ARB2A: variants seen among roughly 807,000 people sequenced by gnomAD.
ARB2A encodes ARB2 cotranscriptional regulator A.
chr5:93,717,440 CTTTTTT>C, the ARB2A span, among the ~76,000 whole-genome samples: 11 of 107,398 alleles, frequency 1.0e-4, no homozygotes, highest in African/African-American at 3.6e-4. Context: ...ACCACAGTTG[CTTTTTT>C]TTTTTTTTTT....
chr5:93,784,363 T>A, the ARB2A span: 1 of 1,579,366 alleles, frequency 6.3e-7, no homozygotes, highest in Non-Finnish European at 8.7e-7. Context: ...ATCTCAGCAC[T>A]AAAAAAAACC....
At chr5:93,932,657 T>A in the ARB2A span, among the ~76,000 whole-genome samples, 1 of 152,218 alleles carries the variant, frequency 6.6e-6, no homozygotes, top group Non-Finnish European at 1.5e-5. Context: ...CCCACTTACA[T>A]AATTGGAACT....
At chr5:94,029,508 T>C in the ARB2A span, among the ~76,000 whole-genome samples, 3 of 152,196 alleles carry the variant, frequency 2.0e-5, no homozygotes, top group South Asian at 2.1e-4. Context: ...AATTGGAAAA[T>C]GTACCTAAAG....
chr5:93,945,474 C>T, the ARB2A span, among the ~76,000 whole-genome samples: 2 of 150,338 alleles, frequency 1.3e-5, no homozygotes, highest in Non-Finnish European at 3.0e-5. Flanking sequence ...GACATTAAAG[C>T]GTAGAAGAGA....
At chr5:93,650,440 T>C in the ARB2A span, among the ~76,000 whole-genome samples, 1 of 151,748 alleles carries the variant, frequency 6.6e-6, no homozygotes, top group Non-Finnish European at 1.5e-5. Context: ...ACTTGAAAAA[T>C]GATCAATGGG....
At chr5:93,821,965 C>T in the ARB2A span, among the ~76,000 whole-genome samples, 6 of 151,460 alleles carry the variant, frequency 4.0e-5, no homozygotes, top group Admixed American at 2.0e-4. Flanking sequence ...ACCTAAACAA[C>T]GTATATTACA....
At chr5:93,664,326 C>T in the ARB2A span, among the ~76,000 whole-genome samples, 1 of 152,136 alleles carries the variant, frequency 6.6e-6, no homozygotes, top group Non-Finnish European at 1.5e-5. Flanking sequence ...AGCAATCCTC[C>T]TGCCTTGGCC....
At chr5:93,935,553 G>T in the ARB2A span, among the ~76,000 whole-genome samples, 1 of 152,176 alleles carries the variant, frequency 6.6e-6, no homozygotes, top group Non-Finnish European at 1.5e-5. Context: ...TGATGGTGAT[G>T]TATGAGGTTG....
chr5:94,024,520 A>G, the ARB2A span, among the ~76,000 whole-genome samples: 1 of 152,108 alleles, frequency 6.6e-6, no homozygotes, highest in Admixed American at 6.6e-5. Context: ...GGAGAACCCT[A>G]ACTATCCATC....
At chr5:94,080,321 GGCCA>G in the ARB2A span, among the ~76,000 whole-genome samples, 1 of 151,970 alleles carries the variant, frequency 6.6e-6, no homozygotes, top group East Asian at 1.9e-4. Context: ...CATAACTCCA[GGCCA>G]AATTATCTTC....
chr5:93,745,466 T>C, the ARB2A span, among the ~76,000 whole-genome samples: 2 of 152,152 alleles, frequency 1.3e-5, no homozygotes, highest in African/African-American at 4.8e-5. Flanking sequence ...CTGAGTATAG[T>C]AAGTCCATGA....
the ARB2A span, chr5:94,074,880 T>G: frequency 1.6e-6 from 1 of 633,436 alleles, no homozygotes; most frequent in South Asian, 2.1e-5. Context: ...ATTTCCCACT[T>G]TGTTGATGCC....
At chr5:93,946,724 C>T in the ARB2A span, among the ~76,000 whole-genome samples, 2 of 152,096 alleles carry the variant, frequency 1.3e-5, no homozygotes, top group African/African-American at 4.8e-5. Flanking sequence ...GAAAAGATAA[C>T]ACTTATTTTG....
chr5:93,689,737 G>A, the ARB2A span, among the ~76,000 whole-genome samples: 1 of 151,660 alleles, frequency 6.6e-6, no homozygotes, highest in Non-Finnish European at 1.5e-5. Context: ...TTGTTGTCCG[G>A]GCTGGAGTGT....
chr5:93,836,953 C>T, the ARB2A span, among the ~76,000 whole-genome samples: 95 of 152,182 alleles, frequency 6.2e-4, no homozygotes, highest in African/African-American at 2.2e-3. Context: ...TTTTAGGTGT[C>T]AAGATACTAT....
chr5:94,098,169 G>C, the ARB2A span, among the ~76,000 whole-genome samples: 2 of 152,024 alleles, frequency 1.3e-5, no homozygotes, highest in East Asian at 3.9e-4. Context: ...GCATCAAAGA[G>C]TATAAAAGCA....
the ARB2A span, among the ~76,000 whole-genome samples, chr5:93,651,660 TAA>T: frequency 6.6e-6 from 1 of 152,060 alleles, no homozygotes. Context: ...AGTATAAAAA[TAA>T]AGAGTATGTT....
the ARB2A span, among the ~76,000 whole-genome samples, chr5:93,820,000 G>A: frequency 6.6e-6 from 1 of 152,298 alleles, no homozygotes; most frequent in East Asian, 1.9e-4. Flanking sequence ...TTCAAAAGGA[G>A]CTGTTTTCAC....
At chr5:94,073,806 C>A in the ARB2A span, among the ~76,000 whole-genome samples, 1 of 152,086 alleles carries the variant, frequency 6.6e-6, no homozygotes, top group African/African-American at 2.4e-5. Flanking sequence ...TCCTCTCTTT[C>A]CATTCTCTGC....
Sources: allele counts gnomAD v4.1 joint callset (sites outside exome capture counted in the v4.1 genomes callset), GRCh38; gene constraint gnomAD v4.1.1; transcripts MANE v1.5; gene names NCBI Gene and HGNC (gene_info 2026-07-23, HGNC 2026-07-21).